Variants in ANTXR2 observed in about 807,000 individuals in gnomAD.
The protein encoded by ANTXR2 is ANTXR cell adhesion molecule 2.
A neutral mutation model predicts 73.7 loss-of-function variants in ANTXR2; 44 were observed. The observed-to-expected ratio is 0.60, with a 90% CI of 0.47 to 0.77. The LOEUF is 0.77. Among genes scored for constraint, ANTXR2 ranks in the 30% least tolerant of loss-of-function variants. The probability of loss-of-function intolerance (pLI) is 0.00; values close to 1 mark genes in which losing one functional copy is unlikely to be tolerated. For synonymous variants in ANTXR2, 217 were observed against 205.9 expected, an observed-to-expected ratio of 1.05 and a Z score of -0.46; for missense variants, 604 against 592.5, an observed-to-expected ratio of 1.02 and a Z score of -0.20.
rs760800861 is a variant in ANTXR2 at position 80,071,621 on chromosome 4, A to G, written c.186T>C (p.Ile62=). The part of the protein sequence containing the change: ...SGSVANNWIE[I]YNFVQQLAER... ...CCGCAAGTTGCTGTACGAAATTATA[A>G]ATTTCAATCCAGTTATTTGCCACAC... The change falls in exon 2 of 17, where the codon ATT becomes ATC. Residue 62 remains isoleucine, a synonymous_variant. Coordinates refer to ENST00000403729, the MANE Select transcript of ANTXR2 (RefSeq NM_058172.6). 3 of 1,613,488 alleles carry G rather than the reference A, an allele frequency of 1.9e-6. No individual in the cohort carries two copies. The highest frequency in any genetic ancestry group is 3.3e-5 in the Admixed American group (2 of 60,022).
chr4:79,918,736 T>C (rs1252089304), intron 16 of ANTXR2, among the ~76,000 whole-genome samples: 6 of 152,044 alleles, frequency 3.9e-5, no homozygotes, highest in Non-Finnish European at 8.8e-5. Context: ...AAGCTCAGGT[T>C]TGCAGGAAGA....
rs1249054083 is a variant in ANTXR2 at position 79,903,972 on chromosome 4, A to G, written c.*3457T>C. The G allele has an allele frequency of 5.3e-5, 8 of 152,202 alleles. No homozygotes were observed. The highest frequency in any genetic ancestry group is 5.2e-4 in the Admixed American group (8 of 15,264). The allele number at this position is 152,202 out of a possible 1,614,324, so 9.4% of individuals were successfully genotyped here. A position where few individuals can be genotyped will look rare whatever the true frequency, so the allele number is the denominator to read the frequency against. On this transcript the variant is annotated 3_prime_UTR_variant, in exon 17 of 17. Coordinates refer to ENST00000403729, the MANE Select transcript of ANTXR2 (RefSeq NM_058172.6). ...TAACCAATATACAATATATGCATGGAGTAGGAAGTTATAATTCCTTCTACT... is the reference window on the plus strand; with the variant it reads ...TAACCAATATACAATATATGCATGGGGTAGGAAGTTATAATTCCTTCTACT...
chr4:79,985,349 CAAAAAAAAA>C lies in ANTXR2; in HGVS notation c.1042-495_1042-487del, dbSNP rs369006459. 1.1e-4 allele frequency among the ~76,000 whole-genome samples: 13 copies of C among 116,724 alleles called. No homozygotes were observed. In the East Asian group the frequency reaches 2.9e-3, roughly 26 times the overall value. The allele number at this position is 116,724 out of a possible 152,430, so 76.6% of individuals were successfully genotyped here. ...TGGGCGACAGAGAGAGACTCTGTCT[CAAAAAAAAA>C]AGAAAAAGAAAAAGAAAGAAAAAAA... On this transcript the variant is annotated intron_variant, in intron 12 of 16. Coordinates refer to ENST00000403729, the MANE Select transcript of ANTXR2 (RefSeq NM_058172.6).
intron 16 of ANTXR2, among the ~76,000 whole-genome samples, chr4:79,930,758 A>C (rs1437522049): frequency 1.3e-5 from 2 of 152,258 alleles, no homozygotes; most frequent in Non-Finnish European, 2.9e-5. Flanking sequence ...ATTTGGAAGC[A>C]GTATGGAAAC....
intron 16 of ANTXR2, among the ~76,000 whole-genome samples, chr4:79,949,890 C>T (rs2109980982): frequency 6.6e-6 from 1 of 152,236 alleles, no homozygotes; most frequent in East Asian, 1.9e-4. Flanking sequence ...GCAAATACAT[C>T]AGTTTACAAA....
intron 13 of ANTXR2, 143 bp downstream of exon 13, chr4:79,984,676 A>G: frequency 1.3e-6 from 1 of 776,532 alleles, no homozygotes; most frequent in Non-Finnish European, 2.2e-6. Flanking sequence ...AGAGGATGAA[A>G]AATAACCACT....
chr4:80,050,273 C>A (rs1280720484), intron 7 of ANTXR2, among the ~76,000 whole-genome samples: 1 of 151,634 alleles, frequency 6.6e-6, no homozygotes, highest in East Asian at 1.9e-4. Context: ...GGATTTAATA[C>A]CAGCGCACAT....
intron 16 of ANTXR2, among the ~76,000 whole-genome samples, chr4:79,930,964 A>G (rs1332451347): frequency 6.6e-6 from 1 of 152,212 alleles, no homozygotes; most frequent in Non-Finnish European, 1.5e-5. Context: ...ATATAATCCC[A>G]GAAAGATTCT....
At chr4:80,056,446 T>C (rs1226415895) in intron 3 of ANTXR2, among the ~76,000 whole-genome samples, 2 of 151,958 alleles carry the variant, frequency 1.3e-5, no homozygotes, top group African/African-American at 4.8e-5. Context: ...ATCTGCGAAT[T>C]GCTAAAGCAC....
intron 12 of ANTXR2, among the ~76,000 whole-genome samples, chr4:80,006,841 A>G (rs986899851): frequency 3.3e-5 from 5 of 152,166 alleles, no homozygotes; most frequent in African/African-American, 1.2e-4. Context: ...ATGAAATTGC[A>G]AAGTGATAAT....
chr4:79,926,256 T>C (rs35458673), intron 16 of ANTXR2, among the ~76,000 whole-genome samples: 11,355 of 152,226 alleles, frequency 0.075, 510 homozygotes, highest in Middle Eastern at 0.14. Flanking sequence ...TAGTTAACCA[T>C]GATATTCAAT....
intron 16 of ANTXR2, among the ~76,000 whole-genome samples, chr4:79,955,767 C>T (rs1728864048): frequency 6.6e-6 from 1 of 152,116 alleles, no homozygotes; most frequent in African/African-American, 2.4e-5. Flanking sequence ...CGGACTGAAG[C>T]TGATAAATGA....
At position 80,063,539 on chromosome 4, in the gene ANTXR2, G is replaced by A. The variant is rs1447189098; in HGVS notation, c.296+5897C>T. Among the ~76,000 whole-genome samples the A allele has an allele frequency of 2.0e-5, 3 of 151,854 alleles. No individual in the cohort carries two copies. The South Asian group carries it at 6.2e-4, about 32-fold the overall frequency. ...TTTCCACCTTCAATATCATGCCTAA[G>A]ACAGTGTCATTGTTAACAATTTGTT... On this transcript the variant is annotated intron_variant, in intron 3 of 16. Transcript: ENST00000403729.
At chr4:80,029,787 C>G (rs532223240) in intron 10 of ANTXR2, among the ~76,000 whole-genome samples, 1 of 151,646 alleles carries the variant, frequency 6.6e-6, no homozygotes, top group Non-Finnish European at 1.5e-5. Context: ...GCAGAGGCAA[C>G]AAGAAGTATA....
At chr4:80,072,192 C>T (rs1187821050) in intron 1 of ANTXR2, among the ~76,000 whole-genome samples, 4 of 152,186 alleles carry the variant, frequency 2.6e-5, no homozygotes, top group African/African-American at 9.6e-5. Context: ...CCCAAAGAGC[C>T]AAGTAGCCCG....
At chr4:79,984,937 G>T in intron 12 of ANTXR2, 74 bp from the exon 13 acceptor site, 2 of 1,217,172 alleles carry the variant, frequency 1.6e-6, no homozygotes, top group South Asian at 1.4e-5. Context: ...AAAATAATTT[G>T]ATACATAAAA....
Position 79,977,884 on chromosome 4 carries a change from G to C in ANTXR2, c.1347+123C>G, listed in dbSNP as rs1163379800. 2.4e-6 allele frequency: 3 copies of C among 1,266,884 alleles called. No homozygotes were observed. The African/African-American group carries it at 4.5e-5, about 19-fold the overall frequency. The allele number at this position is 1,266,884 out of a possible 1,614,324, so 78.5% of individuals were successfully genotyped here. ...CCAAGAAAGTATTCAGCTGTTAAGA[G>C]TGTACAATGAATATCTGCAATTTCA... On this transcript the variant is annotated intron_variant, in intron 15 of 16. Transcript: ENST00000403729.
chr4:80,064,535 G>A (rs1259010187), intron 3 of ANTXR2, among the ~76,000 whole-genome samples: 1 of 152,114 alleles, frequency 6.6e-6, no homozygotes, highest in Non-Finnish European at 1.5e-5. Context: ...GAGTCATCAA[G>A]ATAAAAATAA....
chr4:79,914,570 A>G (rs1190414057), intron 16 of ANTXR2, among the ~76,000 whole-genome samples: 3 of 152,146 alleles, frequency 2.0e-5, no homozygotes, highest in Admixed American at 1.3e-4. Context: ...ACCTTATGCA[A>G]AAAGACCATA....
Sources: gnomAD v4.1 joint callset for allele counts (sites outside exome capture counted in the v4.1 genomes callset) on GRCh38, gnomAD v4.1.1 for gene constraint, MANE v1.5 for transcripts, NCBI Gene and HGNC (gene_info 2026-07-23, HGNC 2026-07-21) for gene names.